Variants in STXBP5L observed in about 807,000 individuals in gnomAD.
STXBP5L encodes the protein syntaxin binding protein 5L, also known as syntaxin-binding protein 5-like.
STXBP5L carries 65 observed loss-of-function variants against 144.5 expected under a neutral mutation model. The ratio of observed to expected loss-of-function variants is 0.45; its 90% CI spans 0.37 to 0.55. The LOEUF (loss-of-function observed/expected upper bound fraction) is 0.55, where lower values mean the gene tolerates loss of function less well. STXBP5L is among the 20% of genes least tolerant of loss of function. The pLI is 0.00. For missense variants in STXBP5L, 1,298 were observed against 1,405.5 expected (o/e 0.92, Z 1.22); for synonymous variants, 505 against 469.6 (o/e 1.08, Z -0.97).
intron 19 of STXBP5L, among the ~76,000 whole-genome samples, chr3:121,314,608 AGAGGGAGAG>A (rs2043711920): frequency 6.8e-6 from 1 of 147,334 alleles, no homozygotes; most frequent in Non-Finnish European, 1.5e-5. Flanking sequence ...AGGGAGAGGG[AGAGGGAGAG>A]GGAGAGGGAG....
intron 3 of STXBP5L, among the ~76,000 whole-genome samples, chr3:120,994,003 G>T (rs760280410): frequency 3.3e-5 from 5 of 151,886 alleles, no homozygotes; most frequent in Non-Finnish European, 7.4e-5. Flanking sequence ...TCCTTGGAGA[G>T]GTCTTTCAAC....
intron 9 of STXBP5L, among the ~76,000 whole-genome samples, chr3:121,184,062 A>G (rs1250175353): frequency 3.9e-5 from 6 of 152,118 alleles, no homozygotes; most frequent in Non-Finnish European, 7.4e-5. Context: ...TACAAAGGTC[A>G]CCAACATCAA....
chr3:121,023,343 C>A (rs1337814914), intron 3 of STXBP5L, among the ~76,000 whole-genome samples: 1 of 152,022 alleles, frequency 6.6e-6, no homozygotes, highest in African/African-American at 2.4e-5. Flanking sequence ...AAATTCAATG[C>A]AATTATCATC....
intron 19 of STXBP5L, among the ~76,000 whole-genome samples, chr3:121,315,174 A>G (rs2043738490): frequency 1.3e-5 from 2 of 152,156 alleles, no homozygotes; most frequent in Non-Finnish European, 2.9e-5. Flanking sequence ...TGCTATAAAG[A>G]CACATGCACA....
intron 5 of STXBP5L, among the ~76,000 whole-genome samples, chr3:121,067,686 C>G (rs2041611136): frequency 6.6e-6 from 1 of 152,092 alleles, no homozygotes; most frequent in Non-Finnish European, 1.5e-5. Context: ...TTTGTTCTAT[C>G]TGATATTAAG....
intron 3 of STXBP5L, among the ~76,000 whole-genome samples, chr3:120,989,714 T>G (rs1942645838): frequency 6.6e-6 from 1 of 152,168 alleles, no homozygotes; most frequent in Non-Finnish European, 1.5e-5. Context: ...TGTGGTTTGG[T>G]TTGCACTCAT....
intron 3 of STXBP5L, among the ~76,000 whole-genome samples, chr3:120,987,562 A>T (rs191296950): frequency 4.0e-5 from 6 of 151,548 alleles, no homozygotes; most frequent in African/African-American, 1.2e-4. Context: ...TTCATTTCTT[A>T]ACTTGTATTT....
At position 120,981,178 on chromosome 3, in the gene STXBP5L, G is replaced by A. The variant is rs530723115; in HGVS notation, c.287+26141G>A. Among the ~76,000 whole-genome samples, 67 of 152,136 alleles carry A rather than the reference G, an allele frequency of 4.4e-4. 1 individual carries two copies. In the South Asian group the frequency reaches 5.2e-3, roughly 12 times the overall value. ...ACTTTGGATCTTCTGATGAGTATAT[G>A]CCATGGTGAAGTTTGTCTTGCAATG... On this transcript the variant is annotated intron_variant, in intron 3 of 26. Transcript: ENST00000471454.
chr3:121,090,221 C>A (rs752894644), intron 5 of STXBP5L, among the ~76,000 whole-genome samples: 1 of 151,968 alleles, frequency 6.6e-6, no homozygotes, highest in African/African-American at 2.4e-5. Context: ...ATTGGTCTGG[C>A]AGGGGAAGGT....
At chr3:121,021,289 A>T (rs1338041889) in intron 3 of STXBP5L, among the ~76,000 whole-genome samples, 1 of 152,194 alleles carries the variant, frequency 6.6e-6, no homozygotes, top group Non-Finnish European at 1.5e-5. Flanking sequence ...AGACCTAAGC[A>T]ATGAGATAGA....
chr3:121,186,611 T>C (rs1374518543), intron 9 of STXBP5L, among the ~76,000 whole-genome samples: 3 of 152,220 alleles, frequency 2.0e-5, no homozygotes, highest in Non-Finnish European at 4.4e-5. Flanking sequence ...GATTTTCATA[T>C]GTTGAACCAG....
At chr3:121,002,829 G>T (rs1264910546) in intron 3 of STXBP5L, among the ~76,000 whole-genome samples, 1 of 151,712 alleles carries the variant, frequency 6.6e-6, no homozygotes, top group African/African-American at 2.4e-5. Flanking sequence ...CCTTGCGATA[G>T]TTTGCTGAGA....
rs925523915 is a variant in STXBP5L, at chr3:121,255,256, T to G, written c.1659+144T>G. On this transcript the variant is annotated intron_variant, in intron 16 of 26. Coordinates refer to ENST00000471454, the MANE Select transcript of STXBP5L (RefSeq NM_001308330.2). ...AATTCACAGGATTTTAAATTATTAT[T>G]GTTACTTACTATAACATATTAATAA... 5.4e-6 allele frequency: 3 copies of G among 554,280 alleles called. No homozygotes were observed. In the African/African-American group the frequency reaches 5.8e-5, roughly 11 times the overall value. The allele number at this position is 554,280 out of a possible 1,614,324, so 34.3% of individuals were successfully genotyped here.
At chr3:121,332,909 T>A (rs1254478921) in intron 20 of STXBP5L, among the ~76,000 whole-genome samples, 1 of 151,458 alleles carries the variant, frequency 6.6e-6, no homozygotes, top group Non-Finnish European at 1.5e-5. Flanking sequence ...CCAGAAGGGA[T>A]TCAGGCTTTA....
intron 20 of STXBP5L, among the ~76,000 whole-genome samples, chr3:121,340,188 A>T (rs569594494): frequency 1.3e-5 from 2 of 152,298 alleles, no homozygotes; most frequent in Admixed American, 6.5e-5. Flanking sequence ...ACAAGATGTT[A>T]CTGGTATAAA....
In STXBP5L at chr3:121,313,926, G is replaced by A. The variant is rs1423612540; in HGVS notation, c.2111-4549G>A. On this transcript the variant is annotated intron_variant, in intron 19 of 26. Transcript: ENST00000471454. ...CTCCTCACCTCCCAGACAGGGTTGCGGCCCAGCAGAAGCGCTCCTCACATC... is the reference window on the plus strand; with the variant it reads ...CTCCTCACCTCCCAGACAGGGTTGCAGCCCAGCAGAAGCGCTCCTCACATC... 8.0e-3 allele frequency among the ~76,000 whole-genome samples: 1,182 copies of A among 148,458 alleles called. 23 individuals carry two copies. Among genetic ancestry groups the A allele is most frequent in the African/African-American group, 0.027 (1,091 of 40,116 alleles).
intron 5 of STXBP5L, among the ~76,000 whole-genome samples, chr3:121,068,667 A>G (rs1013121052): frequency 2.6e-5 from 4 of 151,906 alleles, no homozygotes; most frequent in African/African-American, 4.8e-5. Context: ...TTTTATTTTC[A>G]CATCCGTTTT....
rs150031980 is a variant in STXBP5L at position 121,197,615 on chromosome 3, G to A, written c.878-8308G>A. Among the ~76,000 whole-genome samples, 574 of 151,858 alleles carry A rather than the reference G, an allele frequency of 3.8e-3. 8 individuals are homozygous for A. The highest frequency in any genetic ancestry group is 0.012 in the African/African-American group (478 of 41,432). On this transcript the variant is annotated intron_variant, in intron 9 of 26. Transcript: ENST00000471454. ...ACCCATCATCTAGGTTTTAAGCCCC[G>A]CATGCATTAGGTATTTGTCTTAATA...
chr3:121,341,048 A>G (rs2044691241), intron 20 of STXBP5L, among the ~76,000 whole-genome samples: 1 of 152,146 alleles, frequency 6.6e-6, no homozygotes, highest in South Asian at 2.1e-4. Flanking sequence ...AGAAGAAAGG[A>G]AATAATCAAC....
Sources: allele counts gnomAD v4.1 joint callset (sites outside exome capture counted in the v4.1 genomes callset), GRCh38; gene constraint gnomAD v4.1.1; transcripts MANE v1.5; gene names NCBI Gene and HGNC (gene_info 2026-07-23, HGNC 2026-07-21).